SNX29: variants seen among roughly 807,000 people sequenced by gnomAD.
SNX29 encodes sorting nexin 29, also known as sorting nexin-29.
Under a neutral mutation model 102.1 loss-of-function variants are expected in SNX29, and 78 were observed. The ratio of observed to expected loss-of-function variants is 0.76; its 90% CI spans 0.64 to 0.92. The LOEUF (loss-of-function observed/expected upper bound fraction) is 0.92. Among genes scored for constraint, SNX29 ranks in the 40% least tolerant of loss-of-function variants. SNX29 has a pLI of 0.00. For missense variants in SNX29, 1,280 were observed against 1,061.7 expected (o/e 1.21, Z -2.86); for synonymous variants, 580 against 414.5 (o/e 1.40, Z -4.85).
At chr16:12,145,751 C>G (rs996018867) in intron 13 of SNX29, among the ~76,000 whole-genome samples, 6 of 152,198 alleles carry the variant, frequency 3.9e-5, no homozygotes, top group Non-Finnish European at 8.8e-5. Context: ...CAGACATTGT[C>G]TCATGTTATT....
chr16:12,205,082 C>T (rs765793705), intron 14 of SNX29, among the ~76,000 whole-genome samples: 14 of 152,192 alleles, frequency 9.2e-5, no homozygotes, highest in African/African-American at 2.7e-4. Context: ...AGGGCATTTT[C>T]GAAGGCTGAT....
At chr16:12,433,412 C>G (rs1188341852) in intron 18 of SNX29, among the ~76,000 whole-genome samples, 2 of 152,172 alleles carry the variant, frequency 1.3e-5, no homozygotes, top group East Asian at 1.9e-4. Flanking sequence ...GGGTGGACCA[C>G]CTGAGGTCAG....
At chr16:12,118,149 G>T (rs535797496) in intron 11 of SNX29, among the ~76,000 whole-genome samples, 2 of 151,978 alleles carry the variant, frequency 1.3e-5, no homozygotes, top group East Asian at 3.9e-4. Context: ...CTCCCCACCC[G>T]CTTCTCACTA....
intron 13 of SNX29, among the ~76,000 whole-genome samples, chr16:12,193,132 A>G (rs1485318600): frequency 6.6e-6 from 1 of 152,224 alleles, no homozygotes; most frequent in Admixed American, 6.5e-5. Flanking sequence ...ACTGCGCCCA[A>G]AACATTTATC....
At chr16:12,534,156 C>T (rs535085832) in intron 20 of SNX29, among the ~76,000 whole-genome samples, 4 of 152,346 alleles carry the variant, frequency 2.6e-5, no homozygotes, top group Admixed American at 6.5e-5. Flanking sequence ...CAGGGCAGCG[C>T]GGCCTCTGCG....
intron 5 of SNX29, among the ~76,000 whole-genome samples, 198 bp downstream of exon 5, chr16:12,043,275 C>T (rs528693677): frequency 5.3e-5 from 8 of 151,682 alleles, no homozygotes; most frequent in East Asian, 1.9e-4. Context: ...GTAAAGGGCT[C>T]GGCATGGCAC....
At chr16:11,981,169 C>G (rs2150959412) in intron 1 of SNX29, among the ~76,000 whole-genome samples, 1 of 152,192 alleles carries the variant, frequency 6.6e-6, no homozygotes, top group Non-Finnish European at 1.5e-5. Flanking sequence ...GGGGTTTTGC[C>G]ATGTTGACTG....
At chr16:12,134,820 G>A (rs1411079003) in intron 13 of SNX29, among the ~76,000 whole-genome samples, 2 of 152,124 alleles carry the variant, frequency 1.3e-5, no homozygotes, top group African/African-American at 2.4e-5. Flanking sequence ...TTAATGTTAG[G>A]GTCATCCAGA....
chr16:12,571,683 T>G lies in SNX29; in HGVS notation c.*3054T>G. On this transcript the variant is annotated 3_prime_UTR_variant, in exon 21 of 21. Transcript: ENST00000566228. ...CGGTAGGGCTGGGCAGAGGTGTCTC[T>G]CCTTGAGAGACAACAAAAGCTTCTA... 1 of 1,059,530 alleles carries G rather than the reference T, an allele frequency of 9.4e-7. No individual in the cohort carries two copies. Among genetic ancestry groups the G allele is most frequent in the Non-Finnish European group, 1.1e-6 (1 of 876,220 alleles). 65.6% of individuals were successfully genotyped at this position (1,059,530 alleles called of 1,614,324 possible).
chr16:12,195,975 G>A (rs1056509111), intron 13 of SNX29, among the ~76,000 whole-genome samples: 1 of 142,532 alleles, frequency 7.0e-6, no homozygotes, highest in Non-Finnish European at 1.5e-5. Flanking sequence ...TTGAGCCTCA[G>A]TTTCTTTTCC....
At chr16:12,108,041 T>C (rs761568918) in intron 11 of SNX29, among the ~76,000 whole-genome samples, 7 of 152,192 alleles carry the variant, frequency 4.6e-5, no homozygotes, top group Non-Finnish European at 8.8e-5. Flanking sequence ...AAGGTCCATG[T>C]TGAACCATAG....
intron 13 of SNX29, among the ~76,000 whole-genome samples, chr16:12,152,516 C>T (rs933602690): frequency 2.0e-5 from 3 of 152,176 alleles, no homozygotes; most frequent in African/African-American, 4.8e-5. Flanking sequence ...AGCTCTGTAA[C>T]CTGGAACGCG....
chr16:12,419,564 C>A (rs1034107654), intron 18 of SNX29, among the ~76,000 whole-genome samples: 7 of 43,050 alleles, frequency 1.6e-4, no homozygotes, highest in South Asian at 7.5e-4. Context: ...CAGACTCAGC[C>A]CCCCCCCCCA....
At position 12,118,313 on chromosome 16, in the gene SNX29, CTTT is replaced by C. The variant is rs869186902; in HGVS notation, c.1403-8299_1403-8297del. Among the ~76,000 whole-genome samples, 11 of 86,122 alleles carry C rather than the reference CTTT, an allele frequency of 1.3e-4. No individual in the cohort carries two copies. In the East Asian group the frequency reaches 3.2e-3, roughly 25 times the overall value. 56.5% of individuals were successfully genotyped at this position (86,122 alleles called of 152,430 possible). A position where few individuals can be genotyped will look rare whatever the true frequency, so the allele number is the denominator to read the frequency against. Reference sequence around the variant, plus strand: ...TGTAGATAGTAGATATACAGACCACCTTTTTTTTTTTTTTTTTTTTTTTATGAG... The same window carrying C: ...TGTAGATAGTAGATATACAGACCACCTTTTTTTTTTTTTTTTTTTTATGAG... On this transcript the variant is annotated intron_variant, in intron 11 of 20. Coordinates refer to ENST00000566228, the MANE Select transcript of SNX29 (RefSeq NM_032167.5).
intron 4 of SNX29, among the ~76,000 whole-genome samples, chr16:12,033,912 C>A (rs2865105): frequency 0.4 from 61,148 of 151,938 alleles, 13,216 homozygotes; most frequent in Non-Finnish European, 0.49. Flanking sequence ...TAGTGTCTTG[C>A]AAGATACCTG....
At chr16:12,333,959 G>C (rs996536409) in intron 15 of SNX29, among the ~76,000 whole-genome samples, 1 of 152,162 alleles carries the variant, frequency 6.6e-6, no homozygotes, top group African/African-American at 2.4e-5. Flanking sequence ...TGAAATGAAT[G>C]TAACCTCATG....
chr16:11,978,489 G>A (rs563291721), intron 1 of SNX29, among the ~76,000 whole-genome samples: 14 of 152,316 alleles, frequency 9.2e-5, no homozygotes, highest in African/African-American at 3.1e-4. Flanking sequence ...ATCAGTTAAA[G>A]TGACTGGTAC....
chr16:12,565,698 G>T (rs1489630573), intron 20 of SNX29, among the ~76,000 whole-genome samples: 1 of 151,742 alleles, frequency 6.6e-6, no homozygotes, highest in Non-Finnish European at 1.5e-5. Context: ...CCAGGAAGGG[G>T]AAGCAGCTGG....
intron 20 of SNX29, among the ~76,000 whole-genome samples, chr16:12,559,749 G>T (rs2078607856): frequency 6.6e-6 from 1 of 152,082 alleles, no homozygotes; most frequent in Admixed American, 6.6e-5. Flanking sequence ...GTGATGCCCA[G>T]CCTGACAGCA....
Sources: allele counts gnomAD v4.1 joint callset (sites outside exome capture counted in the v4.1 genomes callset), GRCh38; gene constraint gnomAD v4.1.1; transcripts MANE v1.5; gene names NCBI Gene and HGNC (gene_info 2026-07-23, HGNC 2026-07-21).